Variants in NEO1 observed in about 807,000 individuals in gnomAD.
NEO1 encodes the protein neogenin.
A neutral mutation model predicts 159.7 loss-of-function variants in NEO1; 63 were observed. The observed-to-expected ratio is 0.39, with a 90% CI of 0.32 to 0.49. NEO1 has a LOEUF of 0.49. Among genes scored for constraint, NEO1 ranks in the 20% least tolerant of loss-of-function variants. NEO1 has a pLI of 0.85. For synonymous variants in NEO1, 633 were observed against 662.0 expected, an observed-to-expected ratio of 0.96 and a Z score of 0.67; for missense variants, 1,615 against 1,831.0, an observed-to-expected ratio of 0.88 and a Z score of 2.15.
intron 6 of NEO1, among the ~76,000 whole-genome samples, 183 bp downstream of exon 6, chr15:73,176,740 T>C (rs1221997721): frequency 6.6e-6 from 1 of 152,200 alleles, no homozygotes; most frequent in Non-Finnish European, 1.5e-5. Flanking sequence ...AATACTTTGG[T>C]AGCTTATGTA....
intron 3 of NEO1, among the ~76,000 whole-genome samples, chr15:73,125,789 T>G (rs2030126648): frequency 6.6e-6 from 1 of 152,048 alleles, no homozygotes; most frequent in Non-Finnish European, 1.5e-5. Flanking sequence ...GTTGCTCAGT[T>G]ACAAAATCAA....
At chr15:73,283,928 T>C (rs1048513690) in intron 23 of NEO1, among the ~76,000 whole-genome samples, 6 of 151,922 alleles carry the variant, frequency 3.9e-5, no homozygotes, top group African/African-American at 1.5e-4. Flanking sequence ...GTAGGATTGC[T>C]TTAATGAACA....
chr15:73,109,956 G>A (rs1440509850), intron 1 of NEO1, among the ~76,000 whole-genome samples: 1 of 152,166 alleles, frequency 6.6e-6, no homozygotes, highest in Non-Finnish European at 1.5e-5. Flanking sequence ...GGAACCAGGA[G>A]CACTAACTGT....
intron 1 of NEO1, among the ~76,000 whole-genome samples, chr15:73,085,194 C>T (rs921161134): frequency 1.3e-5 from 2 of 152,150 alleles, no homozygotes; most frequent in African/African-American, 4.8e-5. Context: ...TTCACCATCC[C>T]TTTCCCTTTT....
At chr15:73,059,421 A>C (rs1440074680) in intron 1 of NEO1, among the ~76,000 whole-genome samples, 2 of 152,182 alleles carry the variant, frequency 1.3e-5, no homozygotes, top group African/African-American at 4.8e-5. Context: ...GAATCCTTAC[A>C]TTTAACTTTT....
At chr15:73,176,629 TC>T (rs2035293218) in intron 6 of NEO1, 72 bp downstream of exon 6, 1 of 1,198,060 alleles carries the variant, frequency 8.3e-7, no homozygotes, top group Non-Finnish European at 1.2e-6. Context: ...CACCGAGAGA[TC>T]AGTTATCTTA....
chr15:73,236,197 A>G (rs537392210), intron 7 of NEO1, 150 bp from the exon 8 acceptor site: 2 of 1,056,642 alleles, frequency 1.9e-6, no homozygotes. Flanking sequence ...GGTTTTGTTT[A>G]TTTCTTTTTT....
intron 5 of NEO1, among the ~76,000 whole-genome samples, chr15:73,146,648 C>G (rs1051465820): frequency 1.3e-5 from 2 of 152,222 alleles, no homozygotes; most frequent in African/African-American, 4.8e-5. Flanking sequence ...CCACAGTAGC[C>G]TCATTTCCAT....
In NEO1 at chr15:73,254,960, G is replaced by T. The variant is rs567247909; in HGVS notation, c.2092+131G>T. On this transcript the variant is annotated intron_variant, in intron 13 of 28. Coordinates refer to ENST00000261908, the MANE Select transcript of NEO1 (RefSeq NM_002499.4). ...TAAAATGGTTCAGAAAATTTTTAAT[G>T]GTTCAATCCACTTCTGACTTGATAG... 4.4e-4 allele frequency: 403 copies of T among 918,682 alleles called. No homozygotes were observed. In the African/African-American group the frequency reaches 6.3e-3, roughly 14 times the overall value. 56.9% of individuals were successfully genotyped at this position (918,682 alleles called of 1,614,324 possible).
At chr15:73,220,805 G>A (rs1182736038) in intron 7 of NEO1, among the ~76,000 whole-genome samples, 1 of 152,036 alleles carries the variant, frequency 6.6e-6, no homozygotes, top group Non-Finnish European at 1.5e-5. Flanking sequence ...CTCTGTATTG[G>A]TTATTATAGT....
intron 5 of NEO1, among the ~76,000 whole-genome samples, chr15:73,168,200 G>GTTTTT (rs2034704211): frequency 6.6e-6 from 1 of 151,858 alleles, no homozygotes; most frequent in Admixed American, 6.6e-5. Flanking sequence ...GTTTTGTTTT[G>GTTTTT]TATTTTTGAG....
intron 2 of NEO1, among the ~76,000 whole-genome samples, 173 bp downstream of exon 2, chr15:73,117,030 C>G (rs1422503742): frequency 2.0e-5 from 3 of 152,172 alleles, no homozygotes; most frequent in African/African-American, 7.2e-5. Flanking sequence ...AGGGCTTGCT[C>G]AGTGCCGTAG....
At chr15:73,283,740 C>A (rs531937392) in intron 23 of NEO1, among the ~76,000 whole-genome samples, 68 of 152,300 alleles carry the variant, frequency 4.5e-4, no homozygotes, top group Admixed American at 1.4e-3. Context: ...CCCTTTGGAG[C>A]ACCATCTGTA....
chr15:73,191,683 A>G (rs1241876854), intron 7 of NEO1, among the ~76,000 whole-genome samples: 3 of 152,088 alleles, frequency 2.0e-5, no homozygotes, highest in Admixed American at 2.0e-4. Context: ...TAGATCATTT[A>G]AATTTGCAAA....
chr15:73,229,418 C>T (rs941886219), intron 7 of NEO1, among the ~76,000 whole-genome samples: 4 of 148,970 alleles, frequency 2.7e-5, no homozygotes, highest in Admixed American at 1.3e-4. Flanking sequence ...TCATATCCTC[C>T]GACCTTGCTA....
At position 73,164,180 on chromosome 15, in the gene NEO1, A is replaced by C. The variant is rs183732579; in HGVS notation, c.1016-12223A>C. Reference sequence around the variant, plus strand: ...GTAGCTGGGATTACAGGCACCCACCACCACGCCCCGCTGATTATTATTATT... The same window carrying C: ...GTAGCTGGGATTACAGGCACCCACCCCCACGCCCCGCTGATTATTATTATT... On this transcript the variant is annotated intron_variant, in intron 5 of 28. Coordinates refer to ENST00000261908, the MANE Select transcript of NEO1 (RefSeq NM_002499.4). Among the ~76,000 whole-genome samples, 1,390 of 141,948 alleles carry C rather than the reference A, an allele frequency of 9.8e-3. 30 individuals carry two copies. The highest frequency in any genetic ancestry group is 0.035 in the African/African-American group (1,320 of 38,094). 93.1% of individuals were successfully genotyped at this position (141,948 alleles called of 152,430 possible). A position where few individuals can be genotyped will look rare whatever the true frequency, so the allele number is the denominator to read the frequency against.
At position 73,258,763 on chromosome 15, in the gene NEO1, C is replaced by T; in HGVS notation, c.2093-3C>T. Reference sequence around the variant, plus strand: ...AGTTGTCTTCTTTGTCATTTGGTCTCAGGTCTTGATCGGGGGACTGAGTAT... The same window carrying T: ...AGTTGTCTTCTTTGTCATTTGGTCTTAGGTCTTGATCGGGGGACTGAGTAT... On this transcript the variant is annotated splice_region_variant and splice_polypyrimidine_tract_variant and intron_variant, in intron 13 of 28. Coordinates refer to ENST00000261908, the MANE Select transcript of NEO1 (RefSeq NM_002499.4). 1 of 1,612,016 alleles carries T rather than the reference C, an allele frequency of 6.2e-7. No individual in the cohort carries two copies. Among genetic ancestry groups the T allele is most frequent in the African/African-American group, 1.3e-5 (1 of 74,992 alleles).
intron 5 of NEO1, among the ~76,000 whole-genome samples, chr15:73,156,540 C>CAGTAGT: frequency 6.6e-6 from 1 of 152,154 alleles, no homozygotes; most frequent in African/African-American, 2.4e-5. Flanking sequence ...ATGGGAATAG[C>CAGTAGT]AGTAGTAGTG....
intron 7 of NEO1, among the ~76,000 whole-genome samples, chr15:73,200,354 G>A (rs2036795163): frequency 6.6e-6 from 1 of 152,000 alleles, no homozygotes; most frequent in Non-Finnish European, 1.5e-5. Context: ...GCCGAGGTGG[G>A]CAGATCACCT....
Sources: gnomAD v4.1 joint callset for allele counts (sites outside exome capture counted in the v4.1 genomes callset) on GRCh38, gnomAD v4.1.1 for gene constraint, MANE v1.5 for transcripts, NCBI Gene and HGNC (gene_info 2026-07-23, HGNC 2026-07-21) for gene names.